Variants in MICAL2 observed in about 807,000 individuals in gnomAD.
MICAL2 encodes [F-actin]-monooxygenase MICAL2.
MICAL2 carries 77 observed loss-of-function variants against 127.3 expected under a neutral mutation model. The ratio of observed to expected loss-of-function variants is 0.60; its 90% CI spans 0.50 to 0.73. The LOEUF (loss-of-function observed/expected upper bound fraction) is 0.73, where lower values mean the gene tolerates loss of function less well. Ranked by LOEUF, MICAL2 falls within the 30% of genes least tolerant of loss-of-function variation. The pLI is 0.00. For synonymous variants in MICAL2, 570 were observed against 551.1 expected (o/e 1.03, Z -0.48); for missense variants, 1,351 against 1,434.4 (o/e 0.94, Z 0.94).
intron 3 of MICAL2, among the ~76,000 whole-genome samples, chr11:12,177,854 G>A (rs975984120): frequency 6.6e-6 from 1 of 152,198 alleles, no homozygotes; most frequent in Non-Finnish European, 1.5e-5. Context: ...TCATGAAGAT[G>A]ACTCTCCACA....
At chr11:12,257,301 C>G (rs1320471930) in intron 24 of MICAL2, 2 of 255,428 alleles carry the variant, frequency 7.8e-6, no homozygotes, top group Admixed American at 5.4e-5. Flanking sequence ...CAACCTGATA[C>G]TCTCCATTGC....
Position 12,242,739 on chromosome 11 carries a change from T to G in MICAL2, c.2625T>G (p.Leu875=). Reference sequence around the variant, plus strand: ...ACATTAAGGAGAAGGCGGCTCACCTTGCCTCCATGTTTGGACACGGGGATT... The same window carrying G: ...ACATTAAGGAGAAGGCGGCTCACCTGGCCTCCATGTTTGGACACGGGGATT... The part of the protein sequence containing the change: ...TKNIKEKAAH[L]ASMFGHGDFP... Residue 875 remains leucine (L), a synonymous_variant, in exon 20 of 28, where the codon CTT becomes CTG. Transcript: ENST00000683283. The G allele has an allele frequency of 6.2e-7, 1 of 1,611,398 alleles. No homozygotes were observed. Among genetic ancestry groups the G allele is most frequent in the Non-Finnish European group, 8.5e-7 (1 of 1,179,118 alleles).
intron 29 of MICAL2, among the ~76,000 whole-genome samples, chr11:12,315,370 TATGTTGTGTTTTC>T (rs1200566169): frequency 2.0e-5 from 3 of 152,200 alleles, no homozygotes; most frequent in Non-Finnish European, 4.4e-5. Flanking sequence ...CAAATTCTAA[TATGTTGTGTTTTC>T]ATTCCATTCA....
At chr11:12,315,490 C>A (rs760387714) in intron 29 of MICAL2, among the ~76,000 whole-genome samples, 1 of 151,892 alleles carries the variant, frequency 6.6e-6, no homozygotes, top group South Asian at 2.1e-4. Flanking sequence ...TTTTTTTGAC[C>A]TATGGGTTAT....
chr11:12,164,946 C>T (rs1410685471), intron 3 of MICAL2, among the ~76,000 whole-genome samples: 2 of 151,984 alleles, frequency 1.3e-5, no homozygotes, highest in East Asian at 3.9e-4. Flanking sequence ...ATCAGCCTGG[C>T]CAACATGGTG....
chr11:12,354,839 G>C (rs1439908721), exon 34 of MICAL2: 1 of 1,613,912 alleles, frequency 6.2e-7, no homozygotes, highest in Non-Finnish European at 8.5e-7. Context: ...GAAACTGAGA[G>C]AGAAAATGCT....
Position 12,222,645 on chromosome 11 carries a change from A to T in MICAL2, c.1351A>T (p.Thr451Ser), listed in dbSNP as rs1247582006. ...AAGTCTCTACCGGCTGTTACCTCAG[A>T]CAACCCCGGAGAACATCAACAAGAA... The part of the protein sequence containing the change: ...RESLYRLLPQ[T>S]TPENINKNFE... The change falls in exon 11 of 28, where the codon ACA (threonine) becomes TCA (serine). Residue 451 changes from threonine (T) to serine (S), a missense_variant. Coordinates refer to ENST00000683283, the MANE Select transcript of MICAL2 (RefSeq NM_001282663.2). 6.2e-7 allele frequency: 1 copy of T among 1,614,240 alleles called. No homozygotes were observed. Among genetic ancestry groups the T allele is most frequent in the East Asian group, 2.2e-5 (1 of 44,886 alleles).
chr11:12,362,105 C>G (rs1939213896), downstream of MICAL2, among the ~76,000 whole-genome samples: 1 of 152,164 alleles, frequency 6.6e-6, no homozygotes, highest in Non-Finnish European at 1.5e-5. Flanking sequence ...CTGAAATGAA[C>G]CAAAAATAAA....
At chr11:12,275,914 T>A (rs181505998), upstream of MICAL2, 2 of 398,722 alleles carry the variant, frequency 5.0e-6, no homozygotes, top group East Asian at 3.6e-5. Context: ...AGAGGGGCCC[T>A]GAGCCCCTGG....
chr11:12,231,742 C>T (rs866320706), intron 15 of MICAL2, among the ~76,000 whole-genome samples: 1 of 152,208 alleles, frequency 6.6e-6, no homozygotes, highest in Non-Finnish European at 1.5e-5. Flanking sequence ...CAGGACTTCT[C>T]ATGGCAGAGG....
At chr11:12,201,023 C>T (rs917672715) in intron 3 of MICAL2, among the ~76,000 whole-genome samples, 9 of 152,234 alleles carry the variant, frequency 5.9e-5, no homozygotes, top group South Asian at 2.1e-4. Flanking sequence ...TCACCAGTGT[C>T]GGGGCTTGGA....
At chr11:12,268,657 G>A (rs1285076805), downstream of MICAL2, among the ~76,000 whole-genome samples, 1 of 152,230 alleles carries the variant, frequency 6.6e-6, no homozygotes, top group Non-Finnish European at 1.5e-5. Flanking sequence ...CTGCCCGGCA[G>A]CAGAGGGGCT....
rs185821124 is a variant in MICAL2, at chr11:12,168,647, T to C, written c.264+6228T>C. Among the ~76,000 whole-genome samples the C allele has an allele frequency of 5.0e-3, 755 of 151,716 alleles. 5 individuals carry two copies. The highest frequency in any genetic ancestry group is 6.7e-3 in the Non-Finnish European group (452 of 67,926). On this transcript the variant is annotated intron_variant, in intron 3 of 27. Transcript: ENST00000683283. ...ATATTTCCATATATATTTCTTTATA[T>C]ATATACTTTTTCTTTATAAGGAAAA...
At chr11:12,141,788 G>A (rs377577527) in intron 2 of MICAL2, among the ~76,000 whole-genome samples, 11 of 152,210 alleles carry the variant, frequency 7.2e-5, no homozygotes, top group African/African-American at 2.7e-4. Flanking sequence ...GTGATCAGGG[G>A]TGACCAGACA....
At chr11:12,302,457 G>A (rs1864058588) in intron 29 of MICAL2, among the ~76,000 whole-genome samples, 1 of 152,122 alleles carries the variant, frequency 6.6e-6, no homozygotes, top group South Asian at 2.1e-4. Flanking sequence ...TGTTGATGTT[G>A]CTATTTTTAC....
chr11:12,224,392 C>T (rs1857164146), intron 12 of MICAL2: 2 of 388,240 alleles, frequency 5.2e-6, no homozygotes, highest in South Asian at 1.0e-4. Flanking sequence ...CTATCTTCCC[C>T]ACTAGATGAG....
At chr11:12,227,270 C>T (rs140717577) in intron 15 of MICAL2, 139 bp downstream of exon 15, 24 of 628,774 alleles carry the variant, frequency 3.8e-5, no homozygotes, top group African/African-American at 3.3e-4. Flanking sequence ...TAGTAAAACT[C>T]GGATTAGTGA....
At chr11:12,337,703 C>T (rs1255478819) in intron 32 of MICAL2, among the ~76,000 whole-genome samples, 15 of 151,778 alleles carry the variant, frequency 9.9e-5, no homozygotes, top group Middle Eastern at 6.8e-3. Context: ...GCCTTCATTT[C>T]GTTATGTACC....
intron 32 of MICAL2, among the ~76,000 whole-genome samples, chr11:12,348,710 A>G (rs555993381): frequency 6.6e-6 from 1 of 152,314 alleles, no homozygotes; most frequent in East Asian, 1.9e-4. Context: ...AGGATCAGAC[A>G]CAGTTAAGTT....
Sources: allele counts gnomAD v4.1 joint callset (sites outside exome capture counted in the v4.1 genomes callset), GRCh38; gene constraint gnomAD v4.1.1; transcripts MANE v1.5; gene names NCBI Gene and HGNC (gene_info 2026-07-23, HGNC 2026-07-21).